The following PLAC1 variants were observed in gnomAD, a reference collection of about 807,000 sequenced individuals.
The protein encoded by PLAC1 is placenta-specific protein 1.
For synonymous variants in PLAC1, 68 were observed against 62.1 expected, an observed-to-expected ratio of 1.09 and a Z score of -0.44; for missense variants, 136 against 163.2, an observed-to-expected ratio of 0.83 and a Z score of 0.91.
At chrX:134,686,059 G>A (rs935873949) in intron 2 of PLAC1, among the ~76,000 whole-genome samples, 1 of 111,736 alleles carries the variant, frequency 8.9e-6, no homozygotes, top group Non-Finnish European at 1.9e-5. Context: ...TGACACACAC[G>A]TAAGCCAAGA....
At chrX:134,665,825 A>G (rs1193826761) in intron 2 of PLAC1, among the ~76,000 whole-genome samples, 2 of 111,093 alleles carry the variant, frequency 1.8e-5, no homozygotes, top group East Asian at 5.7e-4. Flanking sequence ...TGTGCCCAAC[A>G]GGGAGCTCTG....
intron 2 of PLAC1, among the ~76,000 whole-genome samples, chrX:134,694,181 C>T (rs1002153458): frequency 8.1e-5 from 9 of 111,283 alleles, no homozygotes; most frequent in African/African-American, 2.9e-4. Flanking sequence ...GTCTAAACTT[C>T]TTTGTATCCC....
At chrX:134,711,069 G>A (rs1232862300) in intron 2 of PLAC1, among the ~76,000 whole-genome samples, 6 of 111,621 alleles carry the variant, frequency 5.4e-5, no homozygotes, top group African/African-American at 2.0e-4. Flanking sequence ...AAAAGTTGAG[G>A]CACTGTTGTA....
At position 134,566,192 on chromosome X, in the gene PLAC1, G is replaced by A. The variant is rs763512814; in HGVS notation, c.491C>T (p.Pro164Leu). The change falls in exon 3 of 3, where the codon CCA becomes CTA. Residue 164 changes from proline (P) to leucine (L), a missense_variant. Physicochemically the swap from Pro to Leu is moderately conservative, Grantham distance 98 (BLOSUM62 -3). Coordinates refer to ENST00000359237, the MANE Select transcript of PLAC1 (RefSeq NM_021796.4). ...CTCTTCTTCACTGAAGACACAAGGT[G>A]GACAATCGCAGTTGGGCCTTTGACT... ...QSSQRPNCDC[P>L]PCVFSEEEHT... 3 of 1,209,923 alleles carry A rather than the reference G, an allele frequency of 2.5e-6. No homozygotes were observed. The highest frequency in any genetic ancestry group is 3.5e-5 in the South Asian group (2 of 56,814).
At position 134,681,981 on chromosome X, in the gene PLAC1, T is replaced by G. The variant is rs189591414; in HGVS notation, n.174+51454A>C. Among the ~76,000 whole-genome samples, 23 of 112,007 alleles carry G rather than the reference T, an allele frequency of 2.1e-4. No homozygotes were observed. In the East Asian group the frequency reaches 6.2e-3, roughly 30 times the overall value. ...ATATTGAGTCACATCAGAAGACACA[T>G]TATGTAATTTTGCTCCATTGTAGGC... is the stretch of plus-strand genomic sequence containing the variant. On this transcript the variant is annotated intron_variant and non_coding_transcript_variant, in intron 2 of 2. Coordinates refer to the PLAC1 transcript ENST00000466797.
chrX:134,574,037 A>G (rs764757420), intron 2 of PLAC1, among the ~76,000 whole-genome samples: 7 of 110,180 alleles, frequency 6.4e-5, no homozygotes, highest in African/African-American at 2.0e-4. Flanking sequence ...TGATGAGGAC[A>G]TTGTAGGAAG....
At chrX:134,595,577 G>A (rs1387717121) in intron 2 of PLAC1, among the ~76,000 whole-genome samples, 2 of 105,109 alleles carry the variant, frequency 1.9e-5, no homozygotes, top group African/African-American at 3.5e-5. Flanking sequence ...TCTTTTTGGT[G>A]GGTTGAGCCA....
intron 1 of PLAC1, among the ~76,000 whole-genome samples, chrX:134,652,072 G>C (rs762022306): frequency 8.1e-5 from 9 of 111,469 alleles, no homozygotes; most frequent in Non-Finnish European, 1.5e-4. Flanking sequence ...CCTATCTAAA[G>C]TTTATAGTAT....
chrX:134,730,148 C>T (rs1465663315), intron 2 of PLAC1, among the ~76,000 whole-genome samples: 4 of 111,718 alleles, frequency 3.6e-5, no homozygotes, highest in Non-Finnish European at 7.5e-5. Context: ...CACTCTGATC[C>T]AGGGGTGAAA....
intron 2 of PLAC1, among the ~76,000 whole-genome samples, chrX:134,693,386 T>C (rs2078550826): frequency 8.9e-6 from 1 of 112,543 alleles, no homozygotes; most frequent in South Asian, 3.7e-4. Flanking sequence ...TATAAACCAC[T>C]TGCTGTAATA....
At chrX:134,572,242 T>C (rs987618090) in intron 2 of PLAC1, among the ~76,000 whole-genome samples, 1 of 111,973 alleles carries the variant, frequency 8.9e-6, no homozygotes. Flanking sequence ...ATTCTGACTG[T>C]GACCTGCAAA....
intron 1 of PLAC1, among the ~76,000 whole-genome samples, chrX:134,623,411 C>T (rs962902146): frequency 2.7e-5 from 3 of 112,324 alleles, no homozygotes; most frequent in African/African-American, 9.7e-5. Context: ...TAACATTTGC[C>T]GAGCACTTAA....
chrX:134,638,548 A>T (rs1414027301), intron 1 of PLAC1, among the ~76,000 whole-genome samples: 1 of 111,726 alleles, frequency 9.0e-6, no homozygotes, highest in African/African-American at 3.3e-5. Flanking sequence ...TTGCCTTGAT[A>T]TTTGTATTTT....
At chrX:134,611,563 A>T (rs949742366) in intron 1 of PLAC1, among the ~76,000 whole-genome samples, 5 of 107,794 alleles carry the variant, frequency 4.6e-5, no homozygotes, top group Non-Finnish European at 9.6e-5. Context: ...ATGTATATAT[A>T]TGCATATATA....
intron 2 of PLAC1, among the ~76,000 whole-genome samples, chrX:134,587,659 T>C (rs1476884055): frequency 1.8e-5 from 2 of 111,101 alleles, no homozygotes; most frequent in Non-Finnish European, 3.8e-5. Context: ...AATCCCTCAG[T>C]TCTCCAGAAC....
At chrX:134,657,433 C>T (rs2078397592) in intron 1 of PLAC1, among the ~76,000 whole-genome samples, 1 of 111,839 alleles carries the variant, frequency 8.9e-6, no homozygotes, top group Non-Finnish European at 1.9e-5. Context: ...AAGCAACTTG[C>T]CCAGTGTCAC....
intron 2 of PLAC1, among the ~76,000 whole-genome samples, chrX:134,710,316 C>T (rs1195037552): frequency 9.0e-6 from 1 of 111,622 alleles, no homozygotes; most frequent in Admixed American, 9.5e-5. Context: ...AAAATTAAAA[C>T]TCAAAAGTTA....
At chrX:134,692,285 C>T (rs904988389) in intron 2 of PLAC1, among the ~76,000 whole-genome samples, 22 of 111,966 alleles carry the variant, frequency 2.0e-4, no homozygotes, top group African/African-American at 7.1e-4. Flanking sequence ...GAGACTGCTG[C>T]TCTCAGCAGA....
chrX:134,594,538 T>G (rs563978678), intron 2 of PLAC1, among the ~76,000 whole-genome samples: 1 of 111,605 alleles, frequency 9.0e-6, no homozygotes, highest in Non-Finnish European at 1.9e-5. Context: ...GTTTGGGGAG[T>G]TTTTAAATTA....
Sources: gnomAD v4.1 joint callset for allele counts (sites outside exome capture counted in the v4.1 genomes callset) on GRCh38, gnomAD v4.1.1 for gene constraint, MANE v1.5 for transcripts, NCBI Gene and HGNC (gene_info 2026-07-23, HGNC 2026-07-21) for gene names.